The following BCAS3 variants were observed in gnomAD, a reference collection of about 807,000 sequenced individuals.
BCAS3 encodes the protein BCAS4/BCAS3 fusion.
Under a neutral mutation model 116.1 loss-of-function variants are expected in BCAS3, and 53 were observed. The ratio of observed to expected loss-of-function variants is 0.46; its 90% CI spans 0.37 to 0.57. The LOEUF (loss-of-function observed/expected upper bound fraction) is 0.57. Among genes scored for constraint, BCAS3 ranks in the 20% least tolerant of loss-of-function variants. The probability of loss-of-function intolerance (pLI) is 0.00; values close to 1 mark genes in which losing one functional copy is unlikely to be tolerated. For synonymous variants in BCAS3, 391 were observed against 408.2 expected, an observed-to-expected ratio of 0.96 and a Z score of 0.51; for missense variants, 917 against 1,165.4, an observed-to-expected ratio of 0.79 and a Z score of 3.10.
intron 5 of BCAS3, among the ~76,000 whole-genome samples, chr17:60,711,183 C>T (rs896142540): frequency 6.7e-6 from 1 of 148,972 alleles, no homozygotes; most frequent in Non-Finnish European, 1.5e-5. Context: ...CTTTACTTTG[C>T]GGAGATAGAA....
At chr17:60,986,133 C>G (rs942060386) in intron 14 of BCAS3, among the ~76,000 whole-genome samples, 1 of 152,194 alleles carries the variant, frequency 6.6e-6, no homozygotes, top group Admixed American at 6.5e-5. Flanking sequence ...ATAATAACCT[C>G]CAGTTCTGTC....
intron 10 of BCAS3, among the ~76,000 whole-genome samples, chr17:60,897,829 C>T (rs2057611182): frequency 6.6e-6 from 1 of 152,072 alleles, no homozygotes; most frequent in Admixed American, 6.5e-5. Context: ...GATCCTCTTG[C>T]CTAAGCTTCC....
Position 61,065,306 on chromosome 17 carries a change from T to G in BCAS3, c.2030-9614T>G, listed in dbSNP as rs1303201474. Among the ~76,000 whole-genome samples the G allele has an allele frequency of 1.3e-5, 2 of 152,222 alleles. No homozygotes were observed. Among genetic ancestry groups the G allele is most frequent in the Non-Finnish European group, 2.9e-5 (2 of 68,036 alleles). ...TTGTTTTAAAATGGCAAATTTTAGT[T>G]TCTATACTAAGAAACTACATTCCCA... is the stretch of plus-strand genomic sequence containing the variant. On this transcript the variant is annotated intron_variant, in intron 19 of 23. Coordinates refer to ENST00000407086, the MANE Select transcript of BCAS3 (RefSeq NM_017679.5). The surrounding 1 kb of genome is among the most constrained non-coding windows in gnomAD (Gnocchi z 4.8).
rs577050077 is a variant in BCAS3 at position 61,220,839 on chromosome 17, G to A, written c.2425+136275G>A. On this transcript the variant is annotated intron_variant, in intron 22 of 23. Coordinates refer to ENST00000407086, the MANE Select transcript of BCAS3 (RefSeq NM_017679.5). The surrounding 1 kb of genome is among the most constrained non-coding windows in gnomAD (Gnocchi z 4.5). ...AGTTCGGCTGGGCGCGGTGGCTCAC[G>A]CCTGTAATCCCAGCACTTTGGGAGG... Among the ~76,000 whole-genome samples the A allele has an allele frequency of 1.3e-5, 2 of 150,760 alleles. No individual in the cohort carries two copies. Among genetic ancestry groups the A allele is most frequent in the African/African-American group, 2.4e-5 (1 of 41,012 alleles).
At chr17:60,830,311 C>A (rs977731560) in intron 7 of BCAS3, among the ~76,000 whole-genome samples, 8 of 152,020 alleles carry the variant, frequency 5.3e-5, no homozygotes, top group African/African-American at 1.9e-4. Context: ...AATAGTGTTT[C>A]TTTATGTTTG....
intron 22 of BCAS3, among the ~76,000 whole-genome samples, chr17:61,182,576 AG>A (rs2079544204): frequency 6.6e-6 from 1 of 152,332 alleles, no homozygotes; most frequent in East Asian, 1.9e-4. Flanking sequence ...ATGATTTCTT[AG>A]TAAATTTACA....
At chr17:60,938,058 TCGGCTCACTGCCATCTCCGTAGAGA>T (rs1479242086) in intron 13 of BCAS3, among the ~76,000 whole-genome samples, 1 of 152,076 alleles carries the variant, frequency 6.6e-6, no homozygotes, top group Non-Finnish European at 1.5e-5. Context: ...TGGCAAGATC[TCGGCTCACTGCCATCTCCGTAGAGA>T]CGGGATTTCA....
chr17:61,343,856 GC>G lies in BCAS3; in HGVS notation c.2426-24466del, dbSNP rs1286051288. On this transcript the variant is annotated intron_variant, in intron 22 of 23. Coordinates refer to ENST00000407086, the MANE Select transcript of BCAS3 (RefSeq NM_017679.5). The surrounding 1 kb of genome is among the most constrained non-coding windows in gnomAD (Gnocchi z 5.5). ...GTTCTTTGCTCAGTTCTGCTCTGCA[GC>G]CCCCATGGCGACACCCTCTCTCTTT... Among the ~76,000 whole-genome samples the G allele has an allele frequency of 1.3e-5, 2 of 152,236 alleles. No individual in the cohort carries two copies. Among genetic ancestry groups the G allele is most frequent in the African/African-American group, 4.8e-5 (2 of 41,466 alleles).
chr17:60,820,304 C>G (rs1305233117), intron 7 of BCAS3, among the ~76,000 whole-genome samples: 2 of 151,878 alleles, frequency 1.3e-5, no homozygotes, highest in Non-Finnish European at 2.9e-5. Context: ...CTTGGCCTCC[C>G]AAAGTGCTGG....
At chr17:60,905,287 A>T (rs898722425) in intron 11 of BCAS3, among the ~76,000 whole-genome samples, 1 of 152,242 alleles carries the variant, frequency 6.6e-6, no homozygotes, top group African/African-American at 2.4e-5. Flanking sequence ...CATTTGAGAT[A>T]ATCCACAATA....
intron 18 of BCAS3, among the ~76,000 whole-genome samples, chr17:61,038,651 G>GT (rs1555680995): frequency 3.7e-4 from 49 of 133,542 alleles, no homozygotes; most frequent in African/African-American, 1.3e-3. Flanking sequence ...CCTTTTTTTT[G>GT]TTTTGTTTTT....
At chr17:60,922,222 G>C (rs925778568) in intron 12 of BCAS3, among the ~76,000 whole-genome samples, 1 of 152,112 alleles carries the variant, frequency 6.6e-6, no homozygotes, top group African/African-American at 2.4e-5. Flanking sequence ...CGCCTCCTGG[G>C]TTCAAGCAAT....
intron 22 of BCAS3, among the ~76,000 whole-genome samples, chr17:61,351,634 G>T (rs1194177053): frequency 6.6e-6 from 1 of 152,226 alleles, no homozygotes; most frequent in Non-Finnish European, 1.5e-5. Flanking sequence ...TCGAGCACAA[G>T]TTTCCCACTC....
intron 6 of BCAS3, among the ~76,000 whole-genome samples, chr17:60,804,087 G>A (rs568148555): frequency 8.7e-4 from 131 of 151,444 alleles, no homozygotes; most frequent in Admixed American, 1.6e-3. Flanking sequence ...ACAGGAGTGA[G>A]CCACTGCGCC....
chr17:61,210,055 CAGGGAAGTTCTGCAGAGTGCTTTA>C (rs1172416064), intron 22 of BCAS3, among the ~76,000 whole-genome samples: 1 of 152,204 alleles, frequency 6.6e-6, no homozygotes, highest in East Asian at 1.9e-4. Context: ...TCAGCCCACG[CAGGGAAGTTCTGCAGAGTGCTTTA>C]ATTAGACACG....
intron 14 of BCAS3, among the ~76,000 whole-genome samples, chr17:60,988,027 A>G (rs1399755015): frequency 6.6e-6 from 1 of 152,020 alleles, no homozygotes; most frequent in Non-Finnish European, 1.5e-5. Context: ...AAGAGTTTTT[A>G]TTATGAAGTA....
At chr17:60,954,797 T>C in intron 14 of BCAS3, among the ~76,000 whole-genome samples, 1 of 152,184 alleles carries the variant, frequency 6.6e-6, no homozygotes, top group Non-Finnish European at 1.5e-5. Flanking sequence ...TAATAAGGAT[T>C]ATTATATCTG....
rs867706805 is a variant in BCAS3, at chr17:61,322,824, G to C, written c.2426-45503G>C. On this transcript the variant is annotated intron_variant, in intron 22 of 23. Coordinates refer to ENST00000407086, the MANE Select transcript of BCAS3 (RefSeq NM_017679.5). ...AGAGAGAGAGAGAGAGAGAGAGAGA[G>C]AGAGACAGAGAGAGAGAGAGAGAGA... 1.2e-3 allele frequency among the ~76,000 whole-genome samples: 147 copies of C among 117,944 alleles called. 1 individual carries two copies. Among genetic ancestry groups the C allele is most frequent in the East Asian group, 2.2e-3 (10 of 4,530 alleles). The allele number at this position is 117,944 out of a possible 152,430, so 77.4% of individuals were successfully genotyped here.
At chr17:61,231,142 T>A (rs1489553789) in intron 22 of BCAS3, among the ~76,000 whole-genome samples, 2 of 152,014 alleles carry the variant, frequency 1.3e-5, no homozygotes, top group Non-Finnish European at 2.9e-5. Flanking sequence ...GGTGTGAGAT[T>A]ATATCTGATT....
Sources: gnomAD v4.1 joint callset for allele counts (sites outside exome capture counted in the v4.1 genomes callset) on GRCh38, gnomAD v4.1.1 for gene constraint, Gnocchi (gnomAD v3.1) non-coding constraint, MANE v1.5 for transcripts, NCBI Gene and HGNC (gene_info 2026-07-23, HGNC 2026-07-21) for gene names.